HERC2: variants seen among roughly 807,000 people sequenced by gnomAD.
The protein encoded by HERC2 is E3 ubiquitin-protein ligase HERC2.
A neutral mutation model predicts 537.7 loss-of-function variants in HERC2; 102 were observed. The ratio of observed to expected loss-of-function variants is 0.19; its 90% CI spans 0.16 to 0.22. The LOEUF is 0.22. Ranked by LOEUF, HERC2 falls within the 10% of genes least tolerant of loss-of-function variation. HERC2 has a pLI of 1.00. For missense variants in HERC2, 4,236 were observed against 6,198.2 expected, an observed-to-expected ratio of 0.68 and a Z score of 10.63; for synonymous variants, 2,224 against 2,466.2, an observed-to-expected ratio of 0.90 and a Z score of 2.91.
At chr15:28,214,926 G>A in intron 39 of HERC2, 124 bp from the exon 40 acceptor site, 1 of 741,394 alleles carries the variant, frequency 1.3e-6, no homozygotes, top group African/African-American at 1.8e-5. Context: ...GGGCTGGAGT[G>A]CAGTGGCACG....
intron 25 of HERC2, among the ~76,000 whole-genome samples, chr15:28,237,790 C>CA (rs1902621458): frequency 6.6e-6 from 1 of 152,090 alleles, no homozygotes; most frequent in Non-Finnish European, 1.5e-5. Flanking sequence ...TAGTTCTTCC[C>CA]AAAAAATACT....
At position 28,113,309 on chromosome 15, in the gene HERC2, G is replaced by A. The variant is rs749370723; in HGVS notation, c.14020-26C>T. Reference sequence around the variant, plus strand: ...CTGCGGGAGGATGTCTGTCAGGGCCGCGTGATGCTTCCCACCCTGGCATTT... The same window carrying A: ...CTGCGGGAGGATGTCTGTCAGGGCCACGTGATGCTTCCCACCCTGGCATTT... On this transcript the variant is annotated intron_variant, in intron 91 of 92. Coordinates refer to ENST00000261609, the MANE Select transcript of HERC2 (RefSeq NM_004667.6). This position sits in a 1 kb window ranked among gnomAD's most constrained non-coding sequence, Gnocchi z 7.0. The A allele has an allele frequency of 2.1e-5, 33 of 1,604,288 alleles. No homozygotes were observed. Among genetic ancestry groups the A allele is most frequent in the African/African-American group, 1.6e-4 (12 of 74,734 alleles).
At chr15:28,136,853 A>T (rs1435528873) in intron 78 of HERC2, among the ~76,000 whole-genome samples, 1 of 152,244 alleles carries the variant, frequency 6.6e-6, no homozygotes, top group Admixed American at 6.5e-5. Context: ...TTTGAAACAA[A>T]CAATCAGAAT....
chr15:28,135,335 G>C (rs1330528357), intron 79 of HERC2, 143 bp downstream of exon 79: 2 of 687,856 alleles, frequency 2.9e-6, no homozygotes, highest in African/African-American at 3.6e-5. Context: ...AACTATTTCT[G>C]CCAAATGAGT....
intron 5 of HERC2, among the ~76,000 whole-genome samples, chr15:28,278,497 T>C (rs1221330266): frequency 6.6e-5 from 10 of 152,256 alleles, no homozygotes; most frequent in Admixed American, 6.5e-4. Context: ...TGTTGTGTTG[T>C]TTTTTATTGC....
At position 28,220,319 on chromosome 15, in the gene HERC2, G is replaced by C. The variant is rs781043069; in HGVS notation, c.5845+133C>G. 8.3e-4 allele frequency: 652 copies of C among 789,640 alleles called. 1 individual carries two copies. The highest frequency in any genetic ancestry group is 2.6e-3 in the Admixed American group (135 of 51,246). The allele number at this position is 789,640 out of a possible 1,614,324, so 48.9% of individuals were successfully genotyped here. A position where few individuals can be genotyped will look rare whatever the true frequency, so the allele number is the denominator to read the frequency against. On this transcript the variant is annotated intron_variant, in intron 37 of 92. Coordinates refer to ENST00000261609, the MANE Select transcript of HERC2 (RefSeq NM_004667.6). ...TGCCTGGGAGCTTATTTAAATTGCA[G>C]GCTCCGAGGACAGAGCGCCAGCTGC...
intron 43 of HERC2, 47 bp downstream of exon 43, chr15:28,212,398 C>T (rs1408240067): frequency 9.1e-6 from 14 of 1,535,908 alleles, no homozygotes; most frequent in African/African-American, 5.5e-5. Context: ...ACAAACGACA[C>T]GAGTTTAAGA....
Position 28,177,528 on chromosome 15 carries a change from C to T in HERC2, c.9164-19G>A. 1 of 1,612,762 alleles carries T rather than the reference C, an allele frequency of 6.2e-7. No individual in the cohort carries two copies. The highest frequency in any genetic ancestry group is 8.5e-7 in the Non-Finnish European group (1 of 1,178,794). On this transcript the variant is annotated intron_variant, in intron 59 of 92. Coordinates refer to ENST00000261609, the MANE Select transcript of HERC2 (RefSeq NM_004667.6). This position sits in a 1 kb window ranked among gnomAD's most constrained non-coding sequence, Gnocchi z 5.0. Reference sequence around the variant, plus strand: ...CGGCCACCTGCAACATTCACAGACACACGGATTGCCAAAGGGCAGGGAACA... The same window carrying T: ...CGGCCACCTGCAACATTCACAGACATACGGATTGCCAAAGGGCAGGGAACA...
intron 20 of HERC2, among the ~76,000 whole-genome samples, chr15:28,251,757 G>A (rs187221033): frequency 1.9e-4 from 29 of 152,222 alleles, no homozygotes; most frequent in African/African-American, 7.0e-4. Flanking sequence ...CCAAGATTAT[G>A]CAACCGCACT....
At chr15:28,156,611 G>C (rs532105389) in intron 69 of HERC2, among the ~76,000 whole-genome samples, 5 of 152,324 alleles carry the variant, frequency 3.3e-5, no homozygotes, top group African/African-American at 9.6e-5. Flanking sequence ...TGTATCCTGA[G>C]ACTTTGCTGA....
rs771439518 is a variant in HERC2, at chr15:28,268,415, T to C, written c.1598+50A>G. 3.9e-6 allele frequency: 6 copies of C among 1,557,502 alleles called. No homozygotes were observed. The highest frequency in any genetic ancestry group is 3.5e-5 in the Admixed American group (2 of 57,460). On this transcript the variant is annotated intron_variant, in intron 12 of 92. Transcript: ENST00000261609. The surrounding 1 kb of genome is among the most constrained non-coding windows in gnomAD (Gnocchi z 4.7). ...TCTGCGCTCCATCCTGTTTAGGATA[T>C]GGCAACATAAAAGGAGAGTGTGTCC...
chr15:28,176,991 G>A lies in HERC2; in HGVS notation c.9391C>T (p.Leu3131=), dbSNP rs758456001. 1 of 1,614,000 alleles carries A rather than the reference G, an allele frequency of 6.2e-7. No homozygotes were observed. The highest frequency in any genetic ancestry group is 1.1e-5 in the South Asian group (1 of 91,084). ...TGTGTCGTATTATCCCCATGTCCCA[G>A]CCGGCCGTACTCGCCGAGGCCCCAG... is the stretch of plus-strand genomic sequence containing the variant. The part of the protein sequence containing the change: ...YTWGLGEYGR[L]GHGDNTTQLK... The change falls in exon 61 of 93, where the codon CTG becomes TTG. Residue 3131 remains leucine (L), a synonymous_variant. Transcript: ENST00000261609. The surrounding 1 kb of genome is among the most constrained non-coding windows in gnomAD (Gnocchi z 5.0).
chr15:28,113,026 C>A lies in HERC2; in HGVS notation c.14232+45G>T. 2 of 1,538,858 alleles carry A rather than the reference C, an allele frequency of 1.3e-6. No individual in the cohort carries two copies. Among genetic ancestry groups the A allele is most frequent in the East Asian group, 2.3e-5 (1 of 43,470 alleles). ...GGGTGAGGAGCCAGCCACCCACCGT[C>A]GGCCGACATCAGCCCAGGGCCGGCA... On this transcript the variant is annotated intron_variant, in intron 92 of 92. Transcript: ENST00000261609. This position sits in a 1 kb window ranked among gnomAD's most constrained non-coding sequence, Gnocchi z 7.0.
chr15:28,306,498 T>C (rs538668546), intron 2 of HERC2, among the ~76,000 whole-genome samples: 6 of 152,378 alleles, frequency 3.9e-5, no homozygotes, highest in Admixed American at 1.3e-4. Flanking sequence ...TATTTCCGCA[T>C]CAATGTTCAT....
chr15:28,167,828 C>T lies in HERC2; in HGVS notation c.10414-1G>A, dbSNP rs753781599. 4 of 1,612,222 alleles carry T rather than the reference C, an allele frequency of 2.5e-6. No individual in the cohort carries two copies. The highest frequency in any genetic ancestry group is 3.4e-6 in the Non-Finnish European group (4 of 1,179,530). Reference sequence around the variant, plus strand: ...TCACTGCGTCCTCAGAGGAAACAATCTAGTCCAAGAGTGCACAGTAGGGGA... The same window carrying T: ...TCACTGCGTCCTCAGAGGAAACAATTTAGTCCAAGAGTGCACAGTAGGGGA... On this transcript the variant is annotated splice_acceptor_variant, in intron 67 of 92. Transcript: ENST00000261609. LOFTEE classifies it high-confidence loss of function.
chr15:28,125,915 G>A (rs1391907113), intron 83 of HERC2, among the ~76,000 whole-genome samples: 4 of 152,168 alleles, frequency 2.6e-5, no homozygotes, highest in South Asian at 4.1e-4. Context: ...GGGTTCGAGC[G>A]ATTCTCCGGC....
intron 65 of HERC2, among the ~76,000 whole-genome samples, chr15:28,173,815 C>A (rs1179686259): frequency 6.0e-5 from 9 of 149,870 alleles, no homozygotes; most frequent in South Asian, 2.1e-4. Context: ...AAAACCCAAC[C>A]AAACAACAAC....
intron 20 of HERC2, among the ~76,000 whole-genome samples, chr15:28,250,026 C>G (rs980154206): frequency 1.3e-5 from 2 of 152,048 alleles, no homozygotes; most frequent in African/African-American, 4.8e-5. Flanking sequence ...GGGAGGAGAG[C>G]CCAACCAGAG....
chr15:28,270,127 A>G (rs1596358133), intron 10 of HERC2, among the ~76,000 whole-genome samples: 1 of 152,008 alleles, frequency 6.6e-6, no homozygotes, highest in East Asian at 1.9e-4. Context: ...ATGCCCAGCT[A>G]ATTTTTGTAT....
Sources: allele counts gnomAD v4.1 joint callset (sites outside exome capture counted in the v4.1 genomes callset), GRCh38; gene constraint gnomAD v4.1.1; non-coding constraint Gnocchi (gnomAD v3.1); transcripts MANE v1.5; gene names NCBI Gene and HGNC (gene_info 2026-07-23, HGNC 2026-07-21).